The following NTNG1 variants were observed in gnomAD, a reference collection of about 807,000 sequenced individuals.
NTNG1 encodes netrin-G1.
NTNG1 carries 16 observed loss-of-function variants against 54.0 expected under a neutral mutation model. The ratio of observed to expected loss-of-function variants is 0.30; its 90% CI spans 0.20 to 0.45. NTNG1 has a LOEUF of 0.45. Ranked by LOEUF, NTNG1 falls within the 20% of genes least tolerant of loss-of-function variation. The probability of loss-of-function intolerance (pLI) is 1.00; values close to 1 mark genes in which losing one functional copy is unlikely to be tolerated. For synonymous variants in NTNG1, 255 were observed against 263.1 expected (o/e 0.97, Z 0.30); for missense variants, 530 against 678.7 (o/e 0.78, Z 2.43).
intron 2 of NTNG1, among the ~76,000 whole-genome samples, chr1:107,166,229 G>T (rs952958934): frequency 6.6e-6 from 1 of 152,200 alleles, no homozygotes; most frequent in Non-Finnish European, 1.5e-5. Flanking sequence ...AGAAGAAATA[G>T]AAGGACATTC....
chr1:107,413,030 A>C (rs779301351), intron 5 of NTNG1, among the ~76,000 whole-genome samples: 6 of 152,196 alleles, frequency 3.9e-5, no homozygotes, highest in Non-Finnish European at 8.8e-5. Flanking sequence ...TTCTGATAGT[A>C]GGTAGTTGCT....
chr1:107,307,038 G>C (rs1202124291), intron 2 of NTNG1, among the ~76,000 whole-genome samples: 1 of 152,200 alleles, frequency 6.6e-6, no homozygotes, highest in Non-Finnish European at 1.5e-5. Flanking sequence ...AGCTGGCAAG[G>C]CTGGGAGAAT....
intron 1 of NTNG1, among the ~76,000 whole-genome samples, chr1:107,143,854 T>C (rs1440367048): frequency 6.6e-6 from 1 of 152,108 alleles, no homozygotes; most frequent in Non-Finnish European, 1.5e-5. Context: ...TATCCCATCC[T>C]CAATCATCCT....
intron 7 of NTNG1, among the ~76,000 whole-genome samples, chr1:107,438,739 T>C (rs1015048506): frequency 1.3e-5 from 2 of 152,032 alleles, no homozygotes; most frequent in Non-Finnish European, 2.9e-5. Context: ...TTTGGGAAAA[T>C]GCATCTCAAA....
intron 3 of NTNG1, among the ~76,000 whole-genome samples, chr1:107,342,399 TA>T (rs1668953794): frequency 6.6e-6 from 1 of 152,170 alleles, no homozygotes; most frequent in South Asian, 2.1e-4. Flanking sequence ...CAGTAAACTA[TA>T]AAAAATGTAA....
At chr1:107,288,563 T>C (rs200687650) in intron 2 of NTNG1, among the ~76,000 whole-genome samples, 2 of 152,062 alleles carry the variant, frequency 1.3e-5, no homozygotes, top group East Asian at 3.9e-4. Flanking sequence ...CTAAGAGTTG[T>C]TGAAAACATT....
At chr1:107,383,387 A>C (rs1353880435) in intron 3 of NTNG1, among the ~76,000 whole-genome samples, 1 of 152,194 alleles carries the variant, frequency 6.6e-6, no homozygotes, top group African/African-American at 2.4e-5. Context: ...TAATCCAAGG[A>C]AGTATATAAG....
At chr1:107,316,810 T>G (rs1015520278) in intron 2 of NTNG1, among the ~76,000 whole-genome samples, 2 of 152,174 alleles carry the variant, frequency 1.3e-5, no homozygotes, top group African/African-American at 4.8e-5. Context: ...AATACCTTCT[T>G]GTATTATGTT....
At chr1:107,392,082 G>A (rs745524802) in intron 3 of NTNG1, among the ~76,000 whole-genome samples, 1 of 152,042 alleles carries the variant, frequency 6.6e-6, no homozygotes, top group Non-Finnish European at 1.5e-5. Context: ...TTTAGTTTGG[G>A]GACATATTGA....
chr1:107,159,241 A>G lies in NTNG1; in HGVS notation c.246+10402A>G, dbSNP rs140746097. Among the ~76,000 whole-genome samples, 3 of 152,310 alleles carry G rather than the reference A, an allele frequency of 2.0e-5. No homozygotes were observed. The East Asian group carries it at 5.8e-4, about 29-fold the overall frequency. ...GGTTTTTATTTCAAAGTTTAGAAAG[A>G]CTAATCTTATATGAGGTGTTAGGGA... On this transcript the variant is annotated intron_variant, in intron 2 of 7. Coordinates refer to ENST00000370068, the MANE Select transcript of NTNG1 (RefSeq NM_001113226.3).
chr1:107,163,925 T>C (rs2101063818), intron 2 of NTNG1, among the ~76,000 whole-genome samples: 1 of 152,290 alleles, frequency 6.6e-6, no homozygotes, highest in Non-Finnish European at 1.5e-5. Context: ...AAATGCTAGG[T>C]TCTAAATCAA....
At chr1:107,263,159 T>C (rs1663470878) in intron 2 of NTNG1, among the ~76,000 whole-genome samples, 1 of 152,158 alleles carries the variant, frequency 6.6e-6, no homozygotes, top group Non-Finnish European at 1.5e-5. Context: ...TAAATCTCAA[T>C]ACATTTACTC....
intron 2 of NTNG1, among the ~76,000 whole-genome samples, chr1:107,302,151 T>A (rs1666359590): frequency 2.0e-5 from 3 of 152,332 alleles, no homozygotes; most frequent in South Asian, 4.1e-4. Flanking sequence ...TACTCAGGTC[T>A]TAGCTTTTGC....
intron 3 of NTNG1, among the ~76,000 whole-genome samples, chr1:107,358,525 C>T (rs1670076108): frequency 6.6e-6 from 1 of 151,444 alleles, no homozygotes; most frequent in Non-Finnish European, 1.5e-5. Flanking sequence ...TTGATCTAGC[C>T]CACTGAAAAT....
chr1:107,147,436 A>G (rs937064262), intron 1 of NTNG1, among the ~76,000 whole-genome samples: 1 of 151,812 alleles, frequency 6.6e-6, no homozygotes, highest in African/African-American at 2.4e-5. Context: ...TATGAAAGGA[A>G]ATTTTGCTCC....
chr1:107,421,136 C>G lies in NTNG1; in HGVS notation c.1088-9614C>G, dbSNP rs755085486. On this transcript the variant is annotated intron_variant, in intron 5 of 7. Transcript: ENST00000370068. ...TTTCTTCTGTTCAAGTTGCAAACCA[C>G]AAGAGAGGTAGGAATTCTTGGATTC... 2.5e-4 allele frequency: 397 copies of G among 1,605,386 alleles called. 1 individual carries two copies. Among genetic ancestry groups the G allele is most frequent in the Non-Finnish European group, 3.2e-4 (380 of 1,173,490 alleles).
chr1:107,363,179 C>T (rs1670394359), intron 3 of NTNG1, among the ~76,000 whole-genome samples: 1 of 152,188 alleles, frequency 6.6e-6, no homozygotes. Context: ...AGCATTTTCA[C>T]ACCTGAATTT....
intron 2 of NTNG1, among the ~76,000 whole-genome samples, chr1:107,188,101 T>A (rs55945869): frequency 0.052 from 7,860 of 152,246 alleles, 221 homozygotes; most frequent in African/African-American, 0.077. Flanking sequence ...CGTTGCTGAT[T>A]ACATCTTATT....
intron 2 of NTNG1, among the ~76,000 whole-genome samples, chr1:107,294,627 C>CT: frequency 6.6e-6 from 1 of 152,200 alleles, no homozygotes; most frequent in African/African-American, 2.4e-5. Flanking sequence ...ACCTAGACAG[C>CT]TAAATATGGT....
Sources: gnomAD v4.1 joint callset for allele counts (sites outside exome capture counted in the v4.1 genomes callset) on GRCh38, gnomAD v4.1.1 for gene constraint, MANE v1.5 for transcripts, NCBI Gene and HGNC (gene_info 2026-07-23, HGNC 2026-07-21) for gene names.